The following LRRN2 variants were observed in gnomAD, a reference collection of about 807,000 sequenced individuals.
LRRN2 encodes leucine rich repeat neuronal 2.
LRRN2 carries 10 observed loss-of-function variants against 35.7 expected under a neutral mutation model. The ratio of observed to expected loss-of-function variants is 0.28; its 90% confidence interval spans 0.17 to 0.47. The LOEUF (loss-of-function observed/expected upper bound fraction) is 0.47. Ranked by LOEUF, LRRN2 falls within the 20% of genes least tolerant of loss-of-function variation. The pLI is 0.99. For synonymous variants in LRRN2, 391 were observed against 409.6 expected (o/e 0.95, Z 0.55); for missense variants, 731 against 940.3 (o/e 0.78, Z 2.91).
chr1:204,627,930 G>A (rs1207826236), intron 1 of LRRN2, among the ~76,000 whole-genome samples: 1 of 151,828 alleles, frequency 6.6e-6, no homozygotes, highest in East Asian at 1.9e-4. Flanking sequence ...GAGAATATCC[G>A]GAGAAGGAAA....
chr1:204,672,179 G>A (rs1168881057), intron 1 of LRRN2, among the ~76,000 whole-genome samples: 1 of 152,208 alleles, frequency 6.6e-6, no homozygotes, highest in African/African-American at 2.4e-5. Flanking sequence ...CAGGGTGAAA[G>A]ATCAGGAAAA....
chr1:204,671,403 T>TGTGTGTGTGTGTGTGGGTGTG (rs1553350489), intron 1 of LRRN2, among the ~76,000 whole-genome samples: 1 of 122,880 alleles, frequency 8.1e-6, no homozygotes, highest in Non-Finnish European at 1.7e-5. Context: ...GTTTGTGTGT[T>TGTGTGTGTGTGTGTGGGTGTG]TGTGTGTGTG....
chr1:204,681,204 G>A (rs1021406227), intron 1 of LRRN2, among the ~76,000 whole-genome samples: 12 of 152,014 alleles, frequency 7.9e-5, no homozygotes, highest in African/African-American at 1.9e-4. Context: ...TGATCCACCC[G>A]CCTTGGCCTC....
chr1:204,649,648 T>G (rs1668180644), intron 1 of LRRN2, among the ~76,000 whole-genome samples: 1 of 152,230 alleles, frequency 6.6e-6, no homozygotes, highest in Non-Finnish European at 1.5e-5. Context: ...TCCTGGGCCT[T>G]GACCCCTGTG....
intron 1 of LRRN2, chr1:204,621,309 A>G (rs1377182490): frequency 6.0e-6 from 1 of 167,228 alleles, no homozygotes. Context: ...GGTTGAGGTT[A>G]CCGTGACATG....
chr1:204,637,985 G>A lies in LRRN2; in HGVS notation c.-226-17767C>T, dbSNP rs534230601. On this transcript the variant is annotated intron_variant, in intron 1 of 1. Coordinates refer to ENST00000367177, the MANE Select transcript of LRRN2 (RefSeq NM_201630.2). ...AGCTGCGGAGCTGGGGGAGGACAGA[G>A]GAGAATGTACTAGGGTTTTCTTTTC... is the stretch of plus-strand genomic sequence containing the variant. Among the ~76,000 whole-genome samples the A allele has an allele frequency of 1.5e-3, 221 of 152,318 alleles. 1 individual carries two copies. The highest frequency in any genetic ancestry group is 5.1e-3 in the African/African-American group (213 of 41,562).
chr1:204,619,759 G>T lies in LRRN2; in HGVS notation c.234C>A (p.Ser78Arg). The part of the protein sequence containing the change: ...PAGTQTLLLQ[S>R]NSIVRVDQSE... ...TCTGGTCCACACGGACAATGCTGTT[G>T]CTCTGCAGGAGCAGGGTCTGTGTGC... Residue 78 changes from serine to arginine, a missense_variant, in exon 2 of 2, where the codon AGC becomes AGA. Physicochemically the swap from Ser to Arg is moderately radical, Grantham distance 110. Coordinates refer to ENST00000367177, the MANE Select transcript of LRRN2 (RefSeq NM_201630.2). 6.2e-7 allele frequency: 1 copy of T among 1,614,252 alleles called. No homozygotes were observed. Among genetic ancestry groups the T allele is most frequent in the Non-Finnish European group, 8.5e-7 (1 of 1,180,034 alleles).
At position 204,617,492 on chromosome 1, in the gene LRRN2, GAA is replaced by G. The variant is rs761425918; in HGVS notation, c.*357_*358del. 38 of 283,844 alleles carry G rather than the reference GAA, an allele frequency of 1.3e-4. No individual in the cohort carries two copies. The East Asian group carries it at 3.8e-3, about 29-fold the overall frequency. The allele number at this position is 283,844 out of a possible 1,614,324, so 17.6% of individuals were successfully genotyped here. A position where few individuals can be genotyped will look rare whatever the true frequency, so the allele number is the denominator to read the frequency against. ...GAGCAAGCAACTGAGACTGTACAGA[GAA>G]AGAGAAGAGGAAGGGGTGCAGCCCG... On this transcript the variant is annotated 3_prime_UTR_variant, in exon 2 of 2. Coordinates refer to ENST00000367177, the MANE Select transcript of LRRN2 (RefSeq NM_201630.2).
intron 1 of LRRN2, among the ~76,000 whole-genome samples, chr1:204,638,772 A>C (rs934204336): frequency 1.3e-5 from 2 of 152,186 alleles, no homozygotes; most frequent in African/African-American, 2.4e-5. Flanking sequence ...CCATGTGGAG[A>C]TCTTTAGGGC....
At chr1:204,682,382 G>A (rs1668974844) in intron 1 of LRRN2, among the ~76,000 whole-genome samples, 1 of 152,164 alleles carries the variant, frequency 6.6e-6, no homozygotes, top group Admixed American at 6.5e-5. Flanking sequence ...GTCTAACTGG[G>A]AGATAAGGCC....
intron 1 of LRRN2, among the ~76,000 whole-genome samples, chr1:204,667,053 T>C (rs114222470): frequency 0.01 from 1,551 of 149,068 alleles, 20 homozygotes; most frequent in Middle Eastern, 0.048. Context: ...AACATAATTA[T>C]AGAGATGAAG....
chr1:204,665,475 G>C (rs1168425109), intron 1 of LRRN2, among the ~76,000 whole-genome samples: 2 of 152,180 alleles, frequency 1.3e-5, no homozygotes, highest in Non-Finnish European at 2.9e-5. Context: ...GACATCATTA[G>C]TAGTTGCTTG....
chr1:204,684,559 G>A (rs1253227733), intron 1 of LRRN2, among the ~76,000 whole-genome samples: 1 of 152,162 alleles, frequency 6.6e-6, no homozygotes, highest in Non-Finnish European at 1.5e-5. Flanking sequence ...TGGGCAGCCA[G>A]AGCCTGCGCC....
chr1:204,626,981 C>G (rs1255566894), intron 1 of LRRN2: 1 of 150,478 alleles, frequency 6.6e-6, no homozygotes, highest in Non-Finnish European at 1.5e-5. Flanking sequence ...AGGGCTGTAG[C>G]TATAAAAGCT....
intron 1 of LRRN2, among the ~76,000 whole-genome samples, chr1:204,625,803 T>TA (rs1667303625): frequency 6.6e-6 from 1 of 152,218 alleles, no homozygotes; most frequent in African/African-American, 2.4e-5. Context: ...AAGTGGGCTA[T>TA]AGCGTCTTAG....
intron 1 of LRRN2, among the ~76,000 whole-genome samples, chr1:204,673,841 C>G (rs995787858): frequency 6.2e-4 from 95 of 152,232 alleles, no homozygotes; most frequent in African/African-American, 2.2e-3. Flanking sequence ...TCATTTAGGG[C>G]TGCCCTGCTT....
intron 1 of LRRN2, among the ~76,000 whole-genome samples, chr1:204,640,623 C>T (rs1343768016): frequency 1.3e-5 from 2 of 152,112 alleles, no homozygotes; most frequent in South Asian, 2.1e-4. Context: ...TCTTCTCTAC[C>T]CCTTCCCCAT....
At chr1:204,672,235 A>G (rs1668729921) in intron 1 of LRRN2, among the ~76,000 whole-genome samples, 1 of 152,230 alleles carries the variant, frequency 6.6e-6, no homozygotes, top group Admixed American at 6.5e-5. Flanking sequence ...GTATAGCACA[A>G]AGCCAGAAGT....
intron 1 of LRRN2, among the ~76,000 whole-genome samples, chr1:204,681,267 C>T (rs1241112470): frequency 6.6e-6 from 1 of 152,174 alleles, no homozygotes; most frequent in East Asian, 1.9e-4. Flanking sequence ...GCCTTTTTAT[C>T]TGCTTATCCC....
Sources: allele counts gnomAD v4.1 joint callset (sites outside exome capture counted in the v4.1 genomes callset), GRCh38; gene constraint gnomAD v4.1.1; transcripts MANE v1.5; gene names NCBI Gene and HGNC (gene_info 2026-07-23, HGNC 2026-07-21).